The following ATP5F1A variants were observed in gnomAD, a reference collection of about 807,000 sequenced individuals.
The protein encoded by ATP5F1A is ATP synthase F1 subunit alpha.
A neutral mutation model predicts 57.4 loss-of-function variants in ATP5F1A; 24 were observed. The observed-to-expected ratio is 0.42, with a 90% CI of 0.30 to 0.59. The LOEUF (loss-of-function observed/expected upper bound fraction) is 0.59, where lower values mean the gene tolerates loss of function less well. ATP5F1A is among the 20% of genes least tolerant of loss of function. The pLI, the probability that ATP5F1A is intolerant of heterozygous loss-of-function variation, is 0.19. For synonymous variants in ATP5F1A, 251 were observed against 255.5 expected (o/e 0.98, Z 0.17); for missense variants, 494 against 707.9 (o/e 0.70, Z 3.43).
intron 3 of ATP5F1A, 93 bp downstream of exon 3, chr18:46,091,588 GT>G: frequency 7.5e-7 from 1 of 1,341,094 alleles, no homozygotes; most frequent in East Asian, 2.4e-5. Flanking sequence ...TTAAGACAAA[GT>G]TTTTTAAAAA....
chr18:46,087,957 CTG>C, intron 6 of ATP5F1A, 150 bp downstream of exon 6: 1 of 757,196 alleles, frequency 1.3e-6, no homozygotes, highest in Non-Finnish European at 2.1e-6. Context: ...AAATGTACTA[CTG>C]TTTTACATTG....
At chr18:46,086,931 T>C in intron 8 of ATP5F1A, 77 bp downstream of exon 8, 2 of 1,451,738 alleles carry the variant, frequency 1.4e-6, no homozygotes, top group Non-Finnish European at 1.9e-6. Flanking sequence ...AATCAGTCAA[T>C]ATACCATTAG....
upstream of ATP5F1A, among the ~76,000 whole-genome samples, chr18:46,100,931 G>C (rs1417876150): frequency 6.6e-6 from 1 of 152,080 alleles, no homozygotes; most frequent in East Asian, 1.9e-4. Context: ...AAATTGGCTG[G>C]GTATGTTGGC....
chr18:46,100,932 G>A (rs1911257541), upstream of ATP5F1A, among the ~76,000 whole-genome samples: 1 of 152,128 alleles, frequency 6.6e-6, no homozygotes, highest in Non-Finnish European at 1.5e-5. Context: ...AATTGGCTGG[G>A]TATGTTGGCG....
upstream of ATP5F1A, among the ~76,000 whole-genome samples, chr18:46,099,829 C>G (rs2144229632): frequency 6.6e-6 from 1 of 152,274 alleles, no homozygotes. Context: ...ATCCGGGCTA[C>G]AAGGGTCATC....
At chr18:46,089,775 T>C in intron 4 of ATP5F1A, 43 bp from the exon 5 acceptor site, 1 of 1,610,950 alleles carries the variant, frequency 6.2e-7, no homozygotes. Flanking sequence ...TAATCAGTTT[T>C]GATGTTTGTT....
chr18:46,082,958 G>C lies in ATP5F1A; in HGVS notation c.*1324C>G, dbSNP rs1909846866. 1 of 152,228 alleles carries C rather than the reference G, an allele frequency of 6.6e-6. No individual in the cohort carries two copies. Among genetic ancestry groups the C allele is most frequent in the South Asian group, 2.1e-4 (1 of 4,830 alleles). The allele number at this position is 152,228 out of a possible 1,614,324, so 9.4% of individuals were successfully genotyped here. A position where few individuals can be genotyped will look rare whatever the true frequency, so the allele number is the denominator to read the frequency against. On this transcript the variant is annotated 3_prime_UTR_variant, in exon 12 of 12. Transcript: ENST00000398752. ...CCAGCTAATTGGGAGGCTAAGGCAG[G>C]AGAATCGCTTGAACCCAGGAGGTGA...
intron 10 of ATP5F1A, chr18:46,085,279 C>G (rs1420661689): frequency 6.8e-6 from 1 of 147,048 alleles, no homozygotes; most frequent in Non-Finnish European, 1.5e-5. Context: ...TATACTCCAG[C>G]CTGGGTGACA....
chr18:46,095,215 T>G, intron 1 of ATP5F1A, 84 bp from the exon 2 acceptor site: 1 of 1,276,954 alleles, frequency 7.8e-7, no homozygotes, highest in East Asian at 2.4e-5. Flanking sequence ...CAGCTTAGTG[T>G]GATCAAAGTA....
At chr18:46,084,390 A>C (rs1431983739) in intron 11 of ATP5F1A, 27 bp from the exon 12 acceptor site, 1 of 1,601,146 alleles carries the variant, frequency 6.2e-7, no homozygotes, top group South Asian at 1.1e-5. Flanking sequence ...GCAGGTCGTA[A>C]GTTCTGACCT....
upstream of ATP5F1A, among the ~76,000 whole-genome samples, chr18:46,099,522 C>T (rs181933601): frequency 2.6e-5 from 4 of 151,872 alleles, no homozygotes; most frequent in Admixed American, 2.6e-4. Flanking sequence ...GGTTTATCAC[C>T]ATTCATTGCA....
At chr18:46,102,210 T>G (rs1021246986), upstream of ATP5F1A, among the ~76,000 whole-genome samples, 2 of 151,740 alleles carry the variant, frequency 1.3e-5, no homozygotes, top group African/African-American at 4.8e-5. Context: ...TTTTGTAAAA[T>G]TTGTAGTGAT....
chr18:46,103,957 G>A (rs955674631), intron 1 of ATP5F1A, among the ~76,000 whole-genome samples: 2 of 152,088 alleles, frequency 1.3e-5, no homozygotes, highest in Non-Finnish European at 2.9e-5. Context: ...GGGAACTAAC[G>A]GATCAAGTTA....
intron 6 of ATP5F1A, chr18:46,087,794 C>A: frequency 2.3e-6 from 1 of 430,128 alleles, no homozygotes. Context: ...ACAGGAGAAT[C>A]GCTTGAACCC....
Position 46,084,188 on chromosome 18 carries a change from A to C in ATP5F1A, c.*94T>G. On this transcript the variant is annotated 3_prime_UTR_variant, in exon 12 of 12. Transcript: ENST00000398752. ...TTTATTTTTCATGTGATTTCTGTAC[A>C]TAAGGAGTATGAGAGTAACCCTTTT... 2.0e-6 allele frequency: 2 copies of C among 997,876 alleles called. No individual in the cohort carries two copies. The highest frequency in any genetic ancestry group is 3.2e-5 in the South Asian group (2 of 62,696). The allele number at this position is 997,876 out of a possible 1,614,324, so 61.8% of individuals were successfully genotyped here.
Position 46,089,561 on chromosome 18 carries a change from T to C in ATP5F1A, c.650+5A>G. ...AGAACTTTTAATATGCTTTTGAGTC[T>C]TTACCCAGTCTGTCGGTCACCAATA... On this transcript the variant is annotated splice_donor_5th_base_variant and intron_variant, in intron 5 of 11. Coordinates refer to ENST00000398752, the MANE Select transcript of ATP5F1A (RefSeq NM_004046.6). 3 of 1,613,330 alleles carry C rather than the reference T, an allele frequency of 1.9e-6. No individual in the cohort carries two copies. The highest frequency in any genetic ancestry group is 2.5e-6 in the Non-Finnish European group (3 of 1,179,782).
chr18:46,088,344 G>T lies in ATP5F1A; in HGVS notation c.651-87C>A, dbSNP rs184985605. 3.4e-5 allele frequency: 43 copies of T among 1,255,956 alleles called. No homozygotes were observed. In the South Asian group the frequency reaches 4.0e-4, roughly 12 times the overall value. 77.8% of individuals were successfully genotyped at this position (1,255,956 alleles called of 1,614,324 possible). A position where few individuals can be genotyped will look rare whatever the true frequency, so the allele number is the denominator to read the frequency against. ...AAGAAAGAGAGATCAGACTGTTACTGTGTCTATGCAGAAAGAAGAAGACAT... is the reference window on the plus strand; with the variant it reads ...AAGAAAGAGAGATCAGACTGTTACTTTGTCTATGCAGAAAGAAGAAGACAT... On this transcript the variant is annotated intron_variant, in intron 5 of 11. Coordinates refer to ENST00000398752, the MANE Select transcript of ATP5F1A (RefSeq NM_004046.6).
Position 46,087,492 on chromosome 18 carries a change from T to A in ATP5F1A, c.800A>T (p.Asp267Val), listed in dbSNP as rs1409533980. Residue 267 changes from aspartate to valine, a missense_variant and splice_region_variant, in exon 7 of 12, where the codon GAT (aspartate) becomes GTT (valine). Asp to Val is a radical substitution (Grantham distance 152). This residue lies in a region of ATP5F1A where 191 missense variants were observed against 267.7 expected (regional missense o/e 0.71). Transcript: ENST00000398752. The part of the protein sequence containing the change: ...AQLVKRLTDA[D>V]AMKYTIVVSA... Reference sequence around the variant, plus strand: ...CACCACAATGGTGTACTTCATGGCATCTGAGAAAATATATTTTACAATTTT... The same window carrying A: ...CACCACAATGGTGTACTTCATGGCAACTGAGAAAATATATTTTACAATTTT... 1 of 1,610,418 alleles carries A rather than the reference T, an allele frequency of 6.2e-7. No individual in the cohort carries two copies. The highest frequency in any genetic ancestry group is 1.3e-5 in the African/African-American group (1 of 74,766).
chr18:46,090,412 CT>C (rs1910474159), intron 3 of ATP5F1A, among the ~76,000 whole-genome samples: 1 of 152,150 alleles, frequency 6.6e-6, no homozygotes, highest in African/African-American at 2.4e-5. Flanking sequence ...GTGTGAGAAG[CT>C]CCATAAACAG....
Sources: gnomAD v4.1 joint callset for allele counts (sites outside exome capture counted in the v4.1 genomes callset) on GRCh38, gnomAD v4.1.1 for gene constraint, gnomAD v4.1.1 regional missense constraint, MANE v1.5 for transcripts, NCBI Gene and HGNC (gene_info 2026-07-23, HGNC 2026-07-21) for gene names.